Variants in CCDC102A observed in about 807,000 individuals in gnomAD.
The protein encoded by CCDC102A is coiled-coil domain containing 102A.
A neutral mutation model predicts 55.5 loss-of-function variants in CCDC102A; 40 were observed. The observed-to-expected ratio is 0.72, with a 90% confidence interval of 0.56 to 0.94. The LOEUF is 0.94. Ranked by LOEUF, CCDC102A falls within the 40% of genes least tolerant of loss-of-function variation. CCDC102A has a pLI of 0.00. For synonymous variants in CCDC102A, 323 were observed against 339.0 expected, an observed-to-expected ratio of 0.95 and a Z score of 0.52; for missense variants, 779 against 768.6, an observed-to-expected ratio of 1.01 and a Z score of -0.16.
At chr16:57,520,598 A>AACATAACATAACAT (rs1450031945) in intron 4 of CCDC102A, among the ~76,000 whole-genome samples, 72 of 96,220 alleles carry the variant, frequency 7.5e-4, no homozygotes, top group African/African-American at 3.3e-3. Flanking sequence ...TAACATAAAT[A>AACATAACATAACAT]AAATAAAATA....
At chr16:57,531,359 C>T (rs903234468) in intron 1 of CCDC102A, among the ~76,000 whole-genome samples, 2 of 152,046 alleles carry the variant, frequency 1.3e-5, no homozygotes, top group African/African-American at 4.8e-5. Context: ...TCCTCCCCCA[C>T]CCACCGCCAA....
rs2032225215 is a variant in CCDC102A, at chr16:57,529,988, C to T, written c.-147-664G>A. On this transcript the variant is annotated intron_variant, in intron 1 of 8. Transcript: ENST00000258214. The surrounding 1 kb of genome is among the most constrained non-coding windows in gnomAD (Gnocchi z 4.1). ...CTTTAGGTGAACGATCTCATTTATT[C>T]CTTAAAGAGTGGAGGTGAAGAAAAT... Among the ~76,000 whole-genome samples the T allele has an allele frequency of 6.6e-6, 1 of 152,156 alleles. No homozygotes were observed. The highest frequency in any genetic ancestry group is 1.5e-5 in the Non-Finnish European group (1 of 68,022).
chr16:57,520,584 AAC>A (rs2032029510), intron 4 of CCDC102A, among the ~76,000 whole-genome samples: 1 of 135,806 alleles, frequency 7.4e-6, no homozygotes, highest in Non-Finnish European at 1.5e-5. Flanking sequence ...AACATAACAT[AAC>A]ATAACATAAA....
At chr16:57,520,431 T>G (rs995879036) in intron 4 of CCDC102A, among the ~76,000 whole-genome samples, 2 of 152,090 alleles carry the variant, frequency 1.3e-5, no homozygotes, top group African/African-American at 4.8e-5. Flanking sequence ...TCATAAATTA[T>G]GAATCTGCCT....
chr16:57,528,657 G>A lies in CCDC102A; in HGVS notation c.521C>T (p.Pro174Leu). 1 of 1,167,030 alleles carries A rather than the reference G, an allele frequency of 8.6e-7. No individual in the cohort carries two copies. The highest frequency in any genetic ancestry group is 2.6e-5 in the South Asian group (1 of 38,398). The allele number at this position is 1,167,030 out of a possible 1,614,324, so 72.3% of individuals were successfully genotyped here. The change falls in exon 2 of 9, where the codon CCC (proline) becomes CTC (leucine). Residue 174 changes from proline (P) to leucine (L), a missense_variant. Physicochemically the swap from Pro to Leu is moderately conservative, Grantham distance 98. Transcript: ENST00000258214. ...RGVADQTRDG[P>L]EPEAEREPVR... ...TGGCTCGCGCTCCGCTTCCGGCTCGGGGCCGTCGCGCGTCTGGTCGGCGAC... is the reference window on the plus strand; with the variant it reads ...TGGCTCGCGCTCCGCTTCCGGCTCGAGGCCGTCGCGCGTCTGGTCGGCGAC...
rs970579464 is a variant in CCDC102A, at chr16:57,516,288, C to T, written c.1419+5G>A. The T allele has an allele frequency of 3.7e-6, 6 of 1,603,122 alleles. No individual in the cohort carries two copies. The African/African-American group carries it at 6.7e-5, about 18-fold the overall frequency. ...TTGCTGCCCCTGCCCCTCTGTGGTC[C>T]TCACCTCGTCCTCAGCCTGGGCCAG... On this transcript the variant is annotated splice_donor_5th_base_variant and intron_variant, in intron 7 of 8. Transcript: ENST00000258214. The surrounding 1 kb of genome is among the most constrained non-coding windows in gnomAD (Gnocchi z 4.4).
intron 3 of CCDC102A, among the ~76,000 whole-genome samples, chr16:57,522,654 C>T (rs1426515302): frequency 1.3e-5 from 2 of 152,234 alleles, no homozygotes; most frequent in African/African-American, 2.4e-5. Flanking sequence ...AGTCTGCACA[C>T]CTGCATGAGC....
chr16:57,534,020 C>G (rs1288997236), intron 1 of CCDC102A, among the ~76,000 whole-genome samples: 2 of 152,226 alleles, frequency 1.3e-5, no homozygotes, highest in African/African-American at 4.8e-5. Flanking sequence ...TGTCCTGCCT[C>G]CCAACAGCCA....
In CCDC102A at chr16:57,528,618, C is replaced by A; in HGVS notation, c.560G>T (p.Gly187Val). Residue 187 changes from glycine to valine, a missense_variant, in exon 2 of 9, where the codon GGG becomes GTG. Physicochemically the swap from Gly to Val is moderately radical, Grantham distance 109. Transcript: ENST00000258214. ...CTGGCTGCCTGGCGGCCTCTCGGAC[C>A]CGACGTCACGCACTGGCTCGCGCTC... ...EAEREPVRDVGSERPPGSQEL... is the reference protein window; with the variant it reads ...EAEREPVRDVVSERPPGSQEL... The A allele has an allele frequency of 7.8e-7, 1 of 1,282,446 alleles. No homozygotes were observed. 79.4% of individuals were successfully genotyped at this position (1,282,446 alleles called of 1,614,324 possible).
intron 8 of CCDC102A, among the ~76,000 whole-genome samples, chr16:57,513,102 A>G (rs2031894450): frequency 1.3e-5 from 2 of 152,196 alleles, no homozygotes; most frequent in Admixed American, 6.5e-5. Flanking sequence ...GATGGTGGGG[A>G]GTGGGGCAGA....
At chr16:57,514,578 C>T (rs1181417275) in intron 8 of CCDC102A, among the ~76,000 whole-genome samples, 1 of 152,186 alleles carries the variant, frequency 6.6e-6, no homozygotes, top group Non-Finnish European at 1.5e-5. Context: ...CCCCATTTTA[C>T]AGATGAAGAA....
chr16:57,517,852 C>T (rs2031981673), intron 6 of CCDC102A, among the ~76,000 whole-genome samples: 1 of 152,248 alleles, frequency 6.6e-6, no homozygotes, highest in South Asian at 2.1e-4. Context: ...TCTGTCTGTT[C>T]AGTGCTGTGT....
At chr16:57,513,512 T>C (rs1180097357) in intron 8 of CCDC102A, among the ~76,000 whole-genome samples, 2 of 152,182 alleles carry the variant, frequency 1.3e-5, no homozygotes, top group Admixed American at 6.5e-5. Flanking sequence ...AGTGATTTAG[T>C]GAGCTGTCCC....
chr16:57,521,324 G>A (rs1200763005), intron 3 of CCDC102A, 148 bp from the exon 4 acceptor site: 3 of 625,318 alleles, frequency 4.8e-6, no homozygotes, highest in Non-Finnish European at 5.7e-6. Flanking sequence ...CACCCTATGT[G>A]GCTAGAAGCA....
intron 1 of CCDC102A, among the ~76,000 whole-genome samples, chr16:57,533,745 G>GT (rs1163030907): frequency 6.6e-6 from 1 of 151,428 alleles, no homozygotes; most frequent in Non-Finnish European, 1.5e-5. Flanking sequence ...CGCAGCCCCA[G>GT]TAACGTGCAC....
intron 2 of CCDC102A, 82 bp from the exon 3 acceptor site, chr16:57,526,209 G>T: frequency 9.8e-7 from 1 of 1,016,872 alleles, no homozygotes; most frequent in Non-Finnish European, 1.4e-6. Flanking sequence ...GGTAACCTTG[G>T]GCAAGTCACA....
chr16:57,530,865 C>T (rs1165630547), intron 1 of CCDC102A, among the ~76,000 whole-genome samples: 3 of 151,966 alleles, frequency 2.0e-5, no homozygotes, highest in Non-Finnish European at 4.4e-5. Context: ...GGCGCTCTGT[C>T]ACCCGGCCAC....
At chr16:57,533,333 G>A (rs1397266421) in intron 1 of CCDC102A, among the ~76,000 whole-genome samples, 6 of 151,866 alleles carry the variant, frequency 4.0e-5, no homozygotes, top group Admixed American at 1.3e-4. Context: ...AGCCCACCCC[G>A]CCCCCAGCAC....
chr16:57,532,225 A>G (rs1414739942), intron 1 of CCDC102A, among the ~76,000 whole-genome samples: 1 of 152,106 alleles, frequency 6.6e-6, no homozygotes, highest in Non-Finnish European at 1.5e-5. Context: ...TGGAATTTGC[A>G]TTTTAATAGT....
Sources: allele counts gnomAD v4.1 joint callset (sites outside exome capture counted in the v4.1 genomes callset), GRCh38; gene constraint gnomAD v4.1.1; non-coding constraint Gnocchi (gnomAD v3.1); transcripts MANE v1.5; gene names NCBI Gene and HGNC (gene_info 2026-07-23, HGNC 2026-07-21).